Variants in FLACC1 observed in about 807,000 individuals in gnomAD.
The protein encoded by FLACC1 is flagellum-associated coiled-coil domain-containing protein 1.
In FLACC1, 66 loss-of-function variants were observed where a neutral mutation model predicts 62.8. That is an observed-to-expected ratio of 1.05 (90% CI 0.86 to 1.29). FLACC1 has a LOEUF of 1.29. FLACC1 is among the 50% of genes most tolerant of loss of function. The pLI, the probability that FLACC1 is intolerant of heterozygous loss-of-function variation, is 0.00. For synonymous variants in FLACC1, 156 were observed against 161.0 expected (o/e 0.97, Z 0.24); for missense variants, 452 against 489.1 (o/e 0.92, Z 0.71).
intron 3 of FLACC1, among the ~76,000 whole-genome samples, chr2:201,349,473 T>C (rs1048862623): frequency 1.3e-5 from 2 of 152,254 alleles, no homozygotes; most frequent in African/African-American, 2.4e-5. Flanking sequence ...AACTAGTTTA[T>C]GGTCCTCTTC....
intron 11 of FLACC1, among the ~76,000 whole-genome samples, chr2:201,305,893 T>C (rs796326730): frequency 3.2e-4 from 46 of 145,946 alleles, no homozygotes; most frequent in African/African-American, 1.1e-3. Context: ...ATGAGAACAC[T>C]TGGACACAGG....
intron 12 of FLACC1, among the ~76,000 whole-genome samples, chr2:201,292,157 A>G (rs1949750995): frequency 6.6e-6 from 1 of 152,238 alleles, no homozygotes; most frequent in African/African-American, 2.4e-5. Context: ...CAACAATCAG[A>G]TTCAGGAAAT....
chr2:201,293,894 C>A (rs1004050065), intron 12 of FLACC1, among the ~76,000 whole-genome samples: 3 of 152,104 alleles, frequency 2.0e-5, no homozygotes, highest in African/African-American at 7.2e-5. Context: ...CTATAAACAC[C>A]TCTATGCAAA....
intron 7 of FLACC1, among the ~76,000 whole-genome samples, chr2:201,340,198 AT>A (rs1010043101): frequency 3.0e-4 from 45 of 151,846 alleles, no homozygotes; most frequent in Non-Finnish European, 5.4e-4. Flanking sequence ...CACGCATTCT[AT>A]TTTTTTTAAT....
Position 201,350,728 on chromosome 2 carries a change from T to G in FLACC1, c.168A>C (p.Lys56Asn). The change falls in exon 3 of 15, where the codon AAA (lysine) becomes AAC (asparagine). Residue 56 changes from lysine to asparagine, a missense_variant. Lys to Asn is a moderately conservative substitution (Grantham distance 94). Coordinates refer to ENST00000392257, the MANE Select transcript of FLACC1 (RefSeq NM_001127391.3). ...PKNHNYLQPTKPVVSPKMKIH... is the reference protein window; with the variant it reads ...PKNHNYLQPTNPVVSPKMKIH... ...ATACTTACTTTGGGGAAACAACAGGTTTTGTTGGTTGGAGGTAATTGTGAT... is the reference window on the plus strand; with the variant it reads ...ATACTTACTTTGGGGAAACAACAGGGTTTGTTGGTTGGAGGTAATTGTGAT... The G allele has an allele frequency of 1.2e-6, 2 of 1,613,458 alleles. No homozygotes were observed. Among genetic ancestry groups the G allele is most frequent in the Admixed American group, 3.3e-5 (2 of 60,008 alleles).
At chr2:201,303,821 A>G (rs1289985992) in intron 11 of FLACC1, among the ~76,000 whole-genome samples, 1 of 152,216 alleles carries the variant, frequency 6.6e-6, no homozygotes, top group African/African-American at 2.4e-5. Context: ...AGTACCAAAG[A>G]CAAAAACCAC....
intron 4 of FLACC1, among the ~76,000 whole-genome samples, chr2:201,347,651 G>A (rs10454127): frequency 0.57 from 83,138 of 146,870 alleles, 23,989 homozygotes; most frequent in South Asian, 0.78. Context: ...ACAAAAAAAA[G>A]AAAGAAAAGA....
intron 12 of FLACC1, among the ~76,000 whole-genome samples, chr2:201,292,215 AC>A (rs1949752679): frequency 6.6e-6 from 1 of 152,202 alleles, no homozygotes; most frequent in Admixed American, 6.5e-5. Flanking sequence ...ACTCCAAGAC[AC>A]ATAACTGTCA....
intron 9 of FLACC1, among the ~76,000 whole-genome samples, chr2:201,325,789 T>C (rs757812123): frequency 6.6e-6 from 1 of 152,142 alleles, no homozygotes; most frequent in South Asian, 2.1e-4. Context: ...TTCCGAAAGA[T>C]TGAGAAAGAG....
chr2:201,310,599 T>A (rs1950199697), intron 9 of FLACC1, among the ~76,000 whole-genome samples: 1 of 152,192 alleles, frequency 6.6e-6, no homozygotes, highest in Non-Finnish European at 1.5e-5. Flanking sequence ...TGGGCCTTCA[T>A]CAAATGAGCT....
chr2:201,298,502 A>G (rs1328727428), intron 12 of FLACC1, among the ~76,000 whole-genome samples: 1 of 152,212 alleles, frequency 6.6e-6, no homozygotes, highest in Non-Finnish European at 1.5e-5. Context: ...GACACAAATG[A>G]CAGAATTCGT....
upstream of FLACC1, among the ~76,000 whole-genome samples, chr2:201,358,475 G>T (rs1951151968): frequency 6.8e-6 from 1 of 147,480 alleles, no homozygotes; most frequent in Non-Finnish European, 1.5e-5. Context: ...GGAGTGCAGT[G>T]GCGGGATCTC....
In FLACC1 at chr2:201,330,504, T is replaced by C. The variant is rs775951396; in HGVS notation, c.641A>G (p.Tyr214Cys). The C allele has an allele frequency of 2.5e-6, 4 of 1,613,842 alleles. No homozygotes were observed. The African/African-American group carries it at 4.0e-5, about 16-fold the overall frequency. ...ACGAAACATATTCTTCAAATACTTG[T>C]ATTCTTTTCCCATCTCCTCTGGATA... ...QEKLEEMGKE[Y>C]KYLKNMFRTY... The change falls in exon 9 of 15, where the codon TAC (tyrosine) becomes TGC (cysteine). Residue 214 changes from tyrosine to cysteine, a missense_variant. By Grantham distance (194) the Tyr-to-Cys change is radical. Around this residue, in one of 3 missense-constraint regions of FLACC1, gnomAD observed 301 missense variants for 318.4 expected, o/e 0.95. Coordinates refer to ENST00000392257, the MANE Select transcript of FLACC1 (RefSeq NM_001127391.3).
At chr2:201,304,221 A>C (rs1488045263) in intron 11 of FLACC1, among the ~76,000 whole-genome samples, 1 of 152,236 alleles carries the variant, frequency 6.6e-6, no homozygotes, top group East Asian at 1.9e-4. Context: ...CTGATAAGCA[A>C]CTTCAGCAAA....
At chr2:201,311,078 A>G (rs1950208316) in intron 9 of FLACC1, among the ~76,000 whole-genome samples, 1 of 152,040 alleles carries the variant, frequency 6.6e-6, no homozygotes, top group South Asian at 2.1e-4. Flanking sequence ...ACCTCCAAAG[A>G]TTGAATCAAG....
intron 2 of FLACC1, 21 bp downstream of exon 2, chr2:201,351,271 C>A: frequency 6.4e-7 from 1 of 1,568,692 alleles, no homozygotes; most frequent in Non-Finnish European, 8.8e-7. Flanking sequence ...CTGTGCCTAC[C>A]CCATCCCAGA....
chr2:201,347,416 T>C (rs1950937342), intron 4 of FLACC1, among the ~76,000 whole-genome samples: 1 of 152,180 alleles, frequency 6.6e-6, no homozygotes, highest in African/African-American at 2.4e-5. Context: ...CTGCCTTCAG[T>C]CTTGCTCCCC....
intron 7 of FLACC1, among the ~76,000 whole-genome samples, chr2:201,340,797 C>T (rs141704371): frequency 3.9e-4 from 60 of 152,284 alleles, no homozygotes; most frequent in Middle Eastern, 3.4e-3. Flanking sequence ...GTAAGGCAGG[C>T]ATAGTGGTAA....
In FLACC1 at chr2:201,316,117, A is replaced by C. The variant is rs569439613; in HGVS notation, c.676-6867T>G. Among the ~76,000 whole-genome samples the C allele has an allele frequency of 2.0e-3, 309 of 152,256 alleles. 1 individual carries two copies. Among genetic ancestry groups the C allele is most frequent in the African/African-American group, 7.3e-3 (304 of 41,552 alleles). ...TATAAAAAAGTCTGAAAGAGCAAAA[A>C]CAGACAATATAAGGTCACACCTCAA... On this transcript the variant is annotated intron_variant, in intron 9 of 14. Coordinates refer to ENST00000392257, the MANE Select transcript of FLACC1 (RefSeq NM_001127391.3).
Sources: gnomAD v4.1 joint callset for allele counts (sites outside exome capture counted in the v4.1 genomes callset) on GRCh38, gnomAD v4.1.1 for gene constraint, gnomAD v4.1.1 regional missense constraint, MANE v1.5 for transcripts, NCBI Gene and HGNC (gene_info 2026-07-23, HGNC 2026-07-21) for gene names.